PCDHA9: variants seen among roughly 807,000 people sequenced by gnomAD.
The protein encoded by PCDHA9 is protocadherin alpha-9.
Under a neutral mutation model 62.0 loss-of-function variants are expected in PCDHA9, and 62 were observed. The ratio of observed to expected loss-of-function variants is 1.00; its 90% CI spans 0.81 to 1.23. The LOEUF (loss-of-function observed/expected upper bound fraction) is 1.23. Ranked by LOEUF, PCDHA9 falls within the 50% of genes most tolerant of loss-of-function variation. PCDHA9 has a pLI of 0.00. For synonymous variants in PCDHA9, 557 were observed against 567.6 expected (o/e 0.98, Z 0.27); for missense variants, 1,205 against 1,249.8 (o/e 0.96, Z 0.54).
chr5:140,916,687 T>G (rs265312), intron 1 of PCDHA9, among the ~76,000 whole-genome samples: 87,944 of 152,010 alleles, frequency 0.58, 26,395 homozygotes, highest in African/African-American at 0.75. Flanking sequence ...TTTACTCTTT[T>G]CTCTCCTCTC....
chr5:140,888,441 A>G (rs2061829051), intron 1 of PCDHA9, among the ~76,000 whole-genome samples: 1 of 152,222 alleles, frequency 6.6e-6, no homozygotes, highest in African/African-American at 2.4e-5. Context: ...CAGCCGCCCA[A>G]CAATAAAGAA....
At chr5:140,964,548 G>C (rs1468417797) in intron 1 of PCDHA9, among the ~76,000 whole-genome samples, 1 of 152,102 alleles carries the variant, frequency 6.6e-6, no homozygotes, top group East Asian at 1.9e-4. Context: ...AGATGGCAGC[G>C]ACTTGGAGGG....
At chr5:140,966,821 C>T (rs1554228738) in intron 1 of PCDHA9, 1 of 1,557,928 alleles carries the variant, frequency 6.4e-7, no homozygotes, top group Admixed American at 1.9e-5. Flanking sequence ...GCTCCGGCGG[C>T]CCATGCCCTG....
rs1554144120 is a variant in PCDHA9, at chr5:140,850,272, A to G, written c.1777A>G (p.Lys593Glu). 1.2e-5 allele frequency: 19 copies of G among 1,594,612 alleles called. 2 individuals carry two copies. The highest frequency in any genetic ancestry group is 7.7e-6 in the Non-Finnish European group (9 of 1,167,372). ...RSVGAGVVVG[K>E]VRAVDADSGY... Reference sequence around the variant, plus strand: ...GGTGGGCGCCGGCGTAGTGGTGGGGAAGGTGCGCGCAGTGGACGCCGACTC... The same window carrying G: ...GGTGGGCGCCGGCGTAGTGGTGGGGGAGGTGCGCGCAGTGGACGCCGACTC... The change falls in exon 1 of 4, where the codon AAG (lysine) becomes GAG (glutamate). Residue 593 changes from lysine to glutamate, a missense_variant. Lys to Glu is a moderately conservative substitution (Grantham distance 56). Transcript: ENST00000532602.
intron 1 of PCDHA9, among the ~76,000 whole-genome samples, chr5:140,924,229 T>G (rs543275737): frequency 6.6e-6 from 1 of 152,258 alleles, no homozygotes; most frequent in Non-Finnish European, 1.5e-5. Flanking sequence ...TCAATTTTTA[T>G]GGGCTGTTTT....
intron 1 of PCDHA9, chr5:140,877,508 C>T (rs892674985): frequency 2.5e-6 from 4 of 1,613,808 alleles, no homozygotes; most frequent in Non-Finnish European, 2.5e-6. Context: ...CCAAAGACGT[C>T]GTCGCGGGCC....
chr5:140,949,639 T>C (rs1563239072), intron 1 of PCDHA9, among the ~76,000 whole-genome samples: 1 of 152,036 alleles, frequency 6.6e-6, no homozygotes, highest in East Asian at 1.9e-4. Flanking sequence ...ATATTGCTTT[T>C]TGTTCATTTT....
intron 1 of PCDHA9, chr5:140,871,653 C>T: frequency 1.6e-6 from 2 of 1,244,250 alleles, no homozygotes; most frequent in Non-Finnish European, 2.2e-6. Flanking sequence ...CCAAATGATA[C>T]ACATCTTCAG....
rs2150450895 is a variant in PCDHA9 at position 140,849,808 on chromosome 5, C to T, written c.1313C>T (p.Thr438Met). 3.8e-6 allele frequency: 6 copies of T among 1,598,320 alleles called. No homozygotes were observed. The highest frequency in any genetic ancestry group is 1.1e-5 in the South Asian group (1 of 90,534). Residue 438 changes from threonine to methionine, a missense_variant, in exon 1 of 4, where the codon ACG becomes ATG. Around this residue, in one of 3 missense-constraint regions of PCDHA9, gnomAD observed 887 missense variants for 809.5 expected, o/e 1.10. Transcript: ENST00000532602. ...GGGGGCTCGCCTTCACTGTGGGCCA[C>T]GGCCAGGGTGTCTGTGGAGGTGGCC... ...RDGGSPSLWA[T>M]ARVSVEVADV... is the part of the protein sequence containing the mutation.
intron 1 of PCDHA9, among the ~76,000 whole-genome samples, chr5:140,946,629 T>TATATATATATATATATATAC (rs1367833800): frequency 1.4e-4 from 17 of 123,272 alleles, no homozygotes; most frequent in African/African-American, 5.1e-4. Context: ...TATATATATA[T>TATATATATATATATATATAC]ATACAATGGA....
chr5:140,874,403 T>A (rs1013177734), intron 1 of PCDHA9, among the ~76,000 whole-genome samples: 2 of 152,198 alleles, frequency 1.3e-5, no homozygotes, highest in African/African-American at 4.8e-5. Context: ...TGCATAACAG[T>A]CACCATTCTG....
intron 1 of PCDHA9, chr5:140,870,674 A>G (rs893862947): frequency 7.4e-6 from 12 of 1,612,566 alleles, no homozygotes; most frequent in Admixed American, 6.7e-5. Flanking sequence ...CCGTTGGACC[A>G]CGAGGAGCTG....
At chr5:140,952,242 C>T (rs1469286013) in intron 1 of PCDHA9, among the ~76,000 whole-genome samples, 2 of 151,750 alleles carry the variant, frequency 1.3e-5, no homozygotes, top group African/African-American at 4.8e-5. Context: ...CTGCTTAGAA[C>T]TGCTGGTGGA....
At chr5:141,009,169 C>T (rs782079623) in intron 3 of PCDHA9, among the ~76,000 whole-genome samples, 13 of 152,186 alleles carry the variant, frequency 8.5e-5, no homozygotes, top group Non-Finnish European at 1.3e-4. Flanking sequence ...TAAATACTGG[C>T]CTTGGCTGGG....
At position 140,856,173 on chromosome 5, in the gene PCDHA9, C is replaced by A. The variant is rs782775861; in HGVS notation, c.2394+5284C>A. The stretch of plus-strand genomic sequence containing the variant: ...GTCTACGAGGAGGCCAGACACGGCA[C>A]CTTCGTGGGCCGCATCGCGCAGGAC... On this transcript the variant is annotated intron_variant, in intron 1 of 3. Coordinates refer to ENST00000532602, the MANE Select transcript of PCDHA9 (RefSeq NM_031857.2). The A allele has an allele frequency of 1.1e-5, 17 of 1,598,116 alleles. 1 individual carries two copies. The highest frequency in any genetic ancestry group is 3.4e-4 in the Middle Eastern group (2 of 5,954).
At chr5:140,987,314 G>A (rs1554249065) in intron 3 of PCDHA9, among the ~76,000 whole-genome samples, 1 of 152,126 alleles carries the variant, frequency 6.6e-6, no homozygotes, top group Non-Finnish European at 1.5e-5. Flanking sequence ...CCAATGTACT[G>A]TGAAGTTTTA....
intron 1 of PCDHA9, chr5:140,875,431 T>C (rs1554167634): frequency 1.3e-6 from 2 of 1,558,558 alleles, no homozygotes. Context: ...AAGCGATCCC[T>C]TAAAACTGAT....
Position 140,947,771 on chromosome 5 carries a change from T to C in PCDHA9, c.2395-31178T>C, listed in dbSNP as rs1167163964. ...TATTTTATGGTTTAAAAAATTCTAT[T>C]GTAAATGGATTTTAAACAGACTTTT... On this transcript the variant is annotated intron_variant, in intron 1 of 3. Transcript: ENST00000532602. 2.6e-5 allele frequency among the ~76,000 whole-genome samples: 4 copies of C among 151,706 alleles called. No individual in the cohort carries two copies. The East Asian group carries it at 5.8e-4, about 22-fold the overall frequency.
At chr5:140,933,928 T>G (rs1055877190) in intron 1 of PCDHA9, among the ~76,000 whole-genome samples, 1 of 152,080 alleles carries the variant, frequency 6.6e-6, no homozygotes, top group Non-Finnish European at 1.5e-5. Flanking sequence ...TGTCCTGTTG[T>G]GACTTTTTTT....
Sources: allele counts gnomAD v4.1 joint callset (sites outside exome capture counted in the v4.1 genomes callset), GRCh38; gene constraint gnomAD v4.1.1; regional missense constraint gnomAD v4.1.1; transcripts MANE v1.5; gene names NCBI Gene and HGNC (gene_info 2026-07-23, HGNC 2026-07-21).